Variants in PNPLA7 observed in about 807,000 individuals in gnomAD.
PNPLA7 encodes the protein patatin like domain 7, lysophospholipase.
A neutral mutation model predicts 161.7 loss-of-function variants in PNPLA7; 153 were observed. The ratio of observed to expected loss-of-function variants is 0.95; its 90% confidence interval spans 0.83 to 1.08. The LOEUF (loss-of-function observed/expected upper bound fraction) is 1.08, where lower values mean the gene tolerates loss of function less well. PNPLA7 is among the 50% of genes least tolerant of loss of function. The probability of loss-of-function intolerance (pLI) is 0.00; values close to 1 mark genes in which losing one functional copy is unlikely to be tolerated. For missense variants in PNPLA7, 1,739 were observed against 1,856.6 expected (o/e 0.94, Z 1.16); for synonymous variants, 809 against 782.1 (o/e 1.03, Z -0.57).
Position 137,501,635 on chromosome 9 carries a change from C to A in PNPLA7, c.1551+15G>T, listed in dbSNP as rs367995401. Reference sequence around the variant, plus strand: ...ATTGGGTGGTCCCAGTGCCCCCCCCCAGACCCCCGCTCACCTGGTCTCCCT... The same window carrying A: ...ATTGGGTGGTCCCAGTGCCCCCCCCAAGACCCCCGCTCACCTGGTCTCCCT... On this transcript the variant is annotated intron_variant, in intron 15 of 34. Transcript: ENST00000406427. The A allele has an allele frequency of 5.4e-5, 87 of 1,610,348 alleles. No homozygotes were observed. The highest frequency in any genetic ancestry group is 5.8e-5 in the Non-Finnish European group (68 of 1,178,934).
intron 8 of PNPLA7, among the ~76,000 whole-genome samples, chr9:137,529,141 G>A (rs1476833098): frequency 1.3e-5 from 2 of 152,154 alleles, no homozygotes; most frequent in African/African-American, 2.4e-5. Flanking sequence ...GGGAGCACAG[G>A]TGTGTACCAC....
In PNPLA7 at chr9:137,547,309, G is replaced by A. The variant is rs760996943; in HGVS notation, c.193C>T (p.Arg65Ter). The change falls in exon 3 of 35, where the codon CGA becomes TGA. Residue 65 changes from arginine (R) to a stop codon, truncating the protein, a stop_gained and splice_region_variant. Transcript: ENST00000406427. LOFTEE classifies it high-confidence loss of function. This position sits in a 1 kb window ranked among gnomAD's most constrained non-coding sequence, Gnocchi z 4.6. ...LFMFRRLRQF[R>*]QAQPTPQYRF... ...CCAGAGTCGGAACCAAGATACTCAC[G>A]AAATTGTCTAAGCCTTCTGAACATG... The A allele has an allele frequency of 1.7e-5, 27 of 1,613,366 alleles. No individual in the cohort carries two copies. Among genetic ancestry groups the A allele is most frequent in the African/African-American group, 9.3e-5 (7 of 75,048 alleles).
chr9:137,505,574 T>C (rs370532430), intron 14 of PNPLA7, 40 bp downstream of exon 14: 17 of 1,608,842 alleles, frequency 1.1e-5, no homozygotes, highest in African/African-American at 1.3e-5. Flanking sequence ...CCACGGGCCC[T>C]GGGTGGGACA....
intron 4 of PNPLA7, among the ~76,000 whole-genome samples, chr9:137,545,430 C>T (rs904812052): frequency 7.9e-5 from 12 of 152,176 alleles, no homozygotes; most frequent in Non-Finnish European, 1.6e-4. Flanking sequence ...CCCTCTGCAC[C>T]CACTGGGCCC....
chr9:137,477,396 G>A (rs545461281), intron 25 of PNPLA7, among the ~76,000 whole-genome samples: 20 of 152,280 alleles, frequency 1.3e-4, no homozygotes, highest in African/African-American at 4.8e-4. Flanking sequence ...GGGAAAGACC[G>A]GCTAAGGAAA....
chr9:137,480,896 G>A (rs1832185585), intron 22 of PNPLA7, 64 bp downstream of exon 22: 5 of 1,476,284 alleles, frequency 3.4e-6, no homozygotes, highest in Non-Finnish European at 3.7e-6. Flanking sequence ...GGACACAGTG[G>A]GGACACATCT....
intron 23 of PNPLA7, 167 bp from the exon 24 acceptor site, chr9:137,479,405 T>A: frequency 2.3e-6 from 3 of 1,305,512 alleles, no homozygotes; most frequent in Non-Finnish European, 2.9e-6. Context: ...CTGCCGAAGC[T>A]CTGACGGCAG....
chr9:137,497,209 C>T lies in PNPLA7; in HGVS notation c.1991G>A (p.Gly664Asp), dbSNP rs1208687340. 1 of 1,586,268 alleles carries T rather than the reference C, an allele frequency of 6.3e-7. No individual in the cohort carries two copies. Among genetic ancestry groups the T allele is most frequent in the African/African-American group, 1.4e-5 (1 of 73,806 alleles). Residue 664 changes from glycine (G) to aspartate (D), a missense_variant, in exon 18 of 35, where the codon GGC becomes GAC. By Grantham distance (94) the Gly-to-Asp change is moderately conservative. Around this residue, in one of 6 missense-constraint regions of PNPLA7, gnomAD observed 481 missense variants for 450.0 expected, o/e 1.07. Coordinates refer to ENST00000406427, the MANE Select transcript of PNPLA7 (RefSeq NM_001098537.3). ...TACCACGCCGACGAGGTCTCCTCGG[C>T]CGTACTCCCCGGCCAGGCGCTTCTT... ...DGKKRLAGEY[G>D]RGDLVGVVET...
intron 9 of PNPLA7, among the ~76,000 whole-genome samples, 165 bp downstream of exon 9, chr9:137,522,564 C>T (rs1835083025): frequency 6.6e-6 from 1 of 152,256 alleles, no homozygotes; most frequent in Non-Finnish European, 1.5e-5. Context: ...TAAGTCCCGC[C>T]AATGAAGTTG....
chr9:137,502,767 C>A (rs1256894076), intron 14 of PNPLA7, among the ~76,000 whole-genome samples: 1 of 36,554 alleles, frequency 2.7e-5, no homozygotes, highest in Admixed American at 3.4e-4. Flanking sequence ...GCCACGGTGA[C>A]ATGGACGAGG....
chr9:137,538,264 G>C (rs1259838556), intron 8 of PNPLA7, among the ~76,000 whole-genome samples: 1 of 152,218 alleles, frequency 6.6e-6, no homozygotes, highest in Admixed American at 6.5e-5. Context: ...AGATACACAA[G>C]TCCCAGGGAG....
rs201261975 is a variant in PNPLA7, at chr9:137,460,620, G to A, written c.3945+14C>T. On this transcript the variant is annotated intron_variant, in intron 34 of 34. Coordinates refer to ENST00000406427, the MANE Select transcript of PNPLA7 (RefSeq NM_001098537.3). The stretch of plus-strand genomic sequence containing the variant: ...AGCTGTGGGCACCAGGTGGGACCAT[G>A]CCCAGCTCCTCACCAAGTCTGAGCC... The A allele has an allele frequency of 2.5e-6, 4 of 1,609,172 alleles. No individual in the cohort carries two copies. Among genetic ancestry groups the A allele is most frequent in the Non-Finnish European group, 3.4e-6 (4 of 1,177,706 alleles).
At chr9:137,463,669 C>T (rs1040858210) in intron 28 of PNPLA7, 138 bp from the exon 29 acceptor site, 8 of 640,978 alleles carry the variant, frequency 1.2e-5, no homozygotes, top group Middle Eastern at 8.1e-4. Context: ...AAGCTCATGG[C>T]CCAAGGGCTG....
chr9:137,488,217 C>T (rs1391265172), intron 20 of PNPLA7, among the ~76,000 whole-genome samples: 6 of 151,842 alleles, frequency 4.0e-5, no homozygotes, highest in Non-Finnish European at 5.9e-5. Context: ...GCGGCTCTCG[C>T]GGTCTGATGT....
At chr9:137,478,291 C>G (rs935490844) in intron 24 of PNPLA7, 139 bp from the exon 25 acceptor site, 13 of 584,940 alleles carry the variant, frequency 2.2e-5, no homozygotes, top group Non-Finnish European at 3.3e-5. Flanking sequence ...GCAGCAGGCC[C>G]TGCCTGATAC....
chr9:137,525,425 A>G (rs1373080823), intron 8 of PNPLA7, among the ~76,000 whole-genome samples: 1 of 152,212 alleles, frequency 6.6e-6, no homozygotes, highest in Non-Finnish European at 1.5e-5. Flanking sequence ...TATTTATTTG[A>G]TACAAGGCAA....
Position 137,547,805 on chromosome 9 carries a change from C to A in PNPLA7, c.31-146G>T. ...GAAGAAGTGATCTCGCCCGGGGTGCCGGGGTCCTCTGAGCCCCCTGCTAGG... is the reference window on the plus strand; with the variant it reads ...GAAGAAGTGATCTCGCCCGGGGTGCAGGGGTCCTCTGAGCCCCCTGCTAGG... On this transcript the variant is annotated intron_variant, in intron 1 of 34. Transcript: ENST00000406427. This position sits in a 1 kb window ranked among gnomAD's most constrained non-coding sequence, Gnocchi z 4.6. The A allele has an allele frequency of 2.6e-6, 2 of 762,034 alleles. No individual in the cohort carries two copies. The highest frequency in any genetic ancestry group is 2.6e-5 in the East Asian group (1 of 38,158). The allele number at this position is 762,034 out of a possible 1,614,324, so 47.2% of individuals were successfully genotyped here.
At chr9:137,461,767 C>CT in intron 32 of PNPLA7, 147 bp from the exon 33 acceptor site, 1 of 1,189,968 alleles carries the variant, frequency 8.4e-7, no homozygotes, top group Non-Finnish European at 1.2e-6. Flanking sequence ...CGGGGAGATG[C>CT]GCAGTCCTGA....
Position 137,461,959 on chromosome 9 carries a change from T to A in PNPLA7, c.3728A>T (p.Gln1243Leu). 1 of 1,593,334 alleles carries A rather than the reference T, an allele frequency of 6.3e-7. No homozygotes were observed. Among genetic ancestry groups the A allele is most frequent in the Non-Finnish European group, 8.5e-7 (1 of 1,173,890 alleles). ...ACTCGCGGGCTTCTTGCTCGGCCCC[T>A]GCTGGTCGCGGAGCATCTTCTCCAG... The part of the protein sequence containing the change: ...GVLEKMLRDQ[Q>L]GPSKKPASAV... Residue 1243 changes from glutamine to leucine, a missense_variant, in exon 32 of 35, where the codon CAG becomes CTG. Around this residue, in one of 6 missense-constraint regions of PNPLA7, gnomAD observed 703 missense variants for 694.6 expected, o/e 1.01. Coordinates refer to ENST00000406427, the MANE Select transcript of PNPLA7 (RefSeq NM_001098537.3).
Sources: allele counts gnomAD v4.1 joint callset (sites outside exome capture counted in the v4.1 genomes callset), GRCh38; gene constraint gnomAD v4.1.1; regional missense constraint gnomAD v4.1.1; non-coding constraint Gnocchi (gnomAD v3.1); transcripts MANE v1.5; gene names NCBI Gene and HGNC (gene_info 2026-07-23, HGNC 2026-07-21).